Variants in COG6 observed in about 807,000 individuals in gnomAD.
The protein encoded by COG6 is conserved oligomeric Golgi complex subunit 6.
In COG6, 74 loss-of-function variants were observed where a neutral mutation model predicts 88.8. That is an observed-to-expected ratio of 0.83 (90% CI 0.69 to 1.01). COG6 has a LOEUF of 1.01. Among genes scored for constraint, COG6 ranks in the 50% least tolerant of loss-of-function variants. The probability of loss-of-function intolerance (pLI) is 0.00; values close to 1 mark genes in which losing one functional copy is unlikely to be tolerated. For synonymous variants in COG6, 286 were observed against 278.7 expected (o/e 1.03, Z -0.26); for missense variants, 800 against 797.9 (o/e 1.00, Z -0.03).
rs1874852664 is a variant in COG6 at position 39,660,852 on chromosome 13, T to C, written c.340T>C (p.Cys114Arg). Residue 114 changes from cysteine to arginine, a missense_variant, in exon 3 of 19, where the codon TGT becomes CGT. Transcript: ENST00000455146. ...CGAAGATGTTCAAGCAATGAGCAAC[T>C]GTTGTCAAGATATGACAAGTCGCCT... is the stretch of plus-strand genomic sequence containing the variant. ...ISEDVQAMSN[C>R]CQDMTSRLQA... 3 of 1,610,658 alleles carry C rather than the reference T, an allele frequency of 1.9e-6. No homozygotes were observed. Among genetic ancestry groups the C allele is most frequent in the Non-Finnish European group, 2.5e-6 (3 of 1,177,442 alleles).
At chr13:39,754,068 T>G (rs182815289), downstream of COG6, among the ~76,000 whole-genome samples, 10 of 152,306 alleles carry the variant, frequency 6.6e-5, no homozygotes, top group East Asian at 1.9e-3. Context: ...TTTGAAATTC[T>G]ATCCTTTCCA....
At position 39,682,269 on chromosome 13, in the gene COG6, G is replaced by A. The variant is rs915042964; in HGVS notation, c.788+5G>A. On this transcript the variant is annotated splice_donor_5th_base_variant and intron_variant, in intron 8 of 18. Coordinates refer to ENST00000455146, the MANE Select transcript of COG6 (RefSeq NM_020751.3). ...GGACAGACCTGTCTTATATAAGTTG[G>A]TGACTTTTTCTTAATTAAAAATGAA... 1.3e-6 allele frequency: 2 copies of A among 1,585,792 alleles called. No individual in the cohort carries two copies. The highest frequency in any genetic ancestry group is 1.7e-6 in the Non-Finnish European group (2 of 1,155,410).
intron 4 of COG6, among the ~76,000 whole-genome samples, chr13:39,671,228 T>C (rs942173036): frequency 2.0e-5 from 3 of 151,920 alleles, no homozygotes; most frequent in African/African-American, 7.2e-5. Flanking sequence ...GTAAGGGAAA[T>C]AGTATGAGGA....
At chr13:39,763,040 T>C (rs1007015345) in intron 18 of COG6, among the ~76,000 whole-genome samples, 10 of 151,678 alleles carry the variant, frequency 6.6e-5, no homozygotes, top group African/African-American at 1.7e-4. Context: ...ATTGAGATGA[T>C]CACTTGGCTT....
At chr13:39,671,913 A>G (rs917499009) in intron 4 of COG6, among the ~76,000 whole-genome samples, 9 of 151,954 alleles carry the variant, frequency 5.9e-5, no homozygotes, top group East Asian at 1.9e-4. Flanking sequence ...TTTCTGCCCT[A>G]TGATTTCTCA....
intron 5 of COG6, chr13:39,678,034 A>G (rs1876078265): frequency 2.2e-6 from 1 of 447,026 alleles, no homozygotes; most frequent in African/African-American, 2.0e-5. Context: ...TCTCCTTCAT[A>G]CATCATAGTA....
intron 18 of COG6, among the ~76,000 whole-genome samples, chr13:39,737,733 A>C (rs961073529): frequency 1.3e-5 from 2 of 152,020 alleles, no homozygotes; most frequent in African/African-American, 2.4e-5. Flanking sequence ...TTGCCCAGGA[A>C]TTAGAGCCCT....
In COG6 at chr13:39,778,522, A is replaced by T. The variant is rs74044169; in HGVS notation, c.1827-9813A>T. Among the ~76,000 whole-genome samples, 425 of 152,350 alleles carry T rather than the reference A, an allele frequency of 2.8e-3. 2 individuals are homozygous for T. The highest frequency in any genetic ancestry group is 9.2e-3 in the African/African-American group (384 of 41,578). Reference sequence around the variant, plus strand: ...ATAATCTCCTTAGTATCAGGAGAGGATATAGCAGTAACGTGTAGATTCTGC... The same window carrying T: ...ATAATCTCCTTAGTATCAGGAGAGGTTATAGCAGTAACGTGTAGATTCTGC... On this transcript the variant is annotated intron_variant, in intron 18 of 18. Coordinates refer to the COG6 transcript ENST00000416691.
chr13:39,680,618 T>G (rs1876253942), intron 7 of COG6, among the ~76,000 whole-genome samples: 3 of 152,184 alleles, frequency 2.0e-5, no homozygotes, highest in South Asian at 2.1e-4. Flanking sequence ...CCTTGCTCAT[T>G]CAGTTAGTTG....
chr13:39,655,690 G>A lies in COG6; in HGVS notation c.-37G>A, dbSNP rs1264973018. ...CGCGCTGCCTCCGTGGTCCCTGCCT[G>A]GCTGAGGTGGCAGCAGGGGGCGGGA... On this transcript the variant is annotated 5_prime_UTR_variant, in exon 1 of 19. Transcript: ENST00000455146. 4 of 1,553,874 alleles carry A rather than the reference G, an allele frequency of 2.6e-6. No homozygotes were observed. In the East Asian group the frequency reaches 9.7e-5, roughly 38 times the overall value.
At chr13:39,741,040 G>C (rs1593465585) in intron 18 of COG6, among the ~76,000 whole-genome samples, 1 of 152,126 alleles carries the variant, frequency 6.6e-6, no homozygotes, top group East Asian at 1.9e-4. Flanking sequence ...AAATCCTAAA[G>C]TACAGATTAA....
In COG6 at chr13:39,664,369, ACTTCT is replaced by A. The variant is rs567605471; in HGVS notation, c.370-721_370-717del. ...TTGTTTCTCTACGTGCCTCATGACT[ACTTCT>A]CTTCTTATTGTTTATTGCCTTATTT... On this transcript the variant is annotated intron_variant, in intron 3 of 18. Coordinates refer to ENST00000455146, the MANE Select transcript of COG6 (RefSeq NM_020751.3). Among the ~76,000 whole-genome samples the A allele has an allele frequency of 3.3e-5, 5 of 152,284 alleles. No homozygotes were observed. The East Asian group carries it at 7.7e-4, about 24-fold the overall frequency.
chr13:39,693,528 A>G (rs1348722368), intron 11 of COG6, among the ~76,000 whole-genome samples: 1 of 152,026 alleles, frequency 6.6e-6, no homozygotes, highest in Non-Finnish European at 1.5e-5. Context: ...GTAATGTATA[A>G]TTTAAGTCAC....
At chr13:39,708,691 C>G (rs553232099) in intron 13 of COG6, among the ~76,000 whole-genome samples, 3 of 152,082 alleles carry the variant, frequency 2.0e-5, no homozygotes, top group Non-Finnish European at 4.4e-5. Context: ...ATAACAATAC[C>G]TAATACCATG....
intron 4 of COG6, 82 bp downstream of exon 4, chr13:39,665,236 A>G: frequency 1.3e-6 from 1 of 768,360 alleles, no homozygotes; most frequent in Non-Finnish European, 2.3e-6. Flanking sequence ...CCAAATCAGA[A>G]TTAAAGCAGA....
chr13:39,704,443 A>T (rs563387256), intron 13 of COG6, among the ~76,000 whole-genome samples: 2 of 152,198 alleles, frequency 1.3e-5, no homozygotes, highest in Non-Finnish European at 2.9e-5. Flanking sequence ...AAATGTTATT[A>T]AGAAAATCAT....
At chr13:39,663,648 C>G (rs1002407574) in intron 3 of COG6, among the ~76,000 whole-genome samples, 6 of 152,098 alleles carry the variant, frequency 3.9e-5, no homozygotes, top group Non-Finnish European at 7.4e-5. Context: ...CCTGTAATCT[C>G]AGCATTTTGG....
In COG6 at chr13:39,764,969, G is replaced by A. The variant is rs149694274; in HGVS notation, c.1827-23366G>A. ...AGATACTTGTTAAATAACTATGATT[G>A]TGGATTTTTCTGTATTTTTAGTTTT... On this transcript the variant is annotated intron_variant, in intron 18 of 18. Coordinates refer to the COG6 transcript ENST00000416691. Among the ~76,000 whole-genome samples the A allele has an allele frequency of 1.6e-3, 241 of 152,182 alleles. 1 individual carries two copies. The highest frequency in any genetic ancestry group is 6.8e-3 in the Middle Eastern group (2 of 294).
intron 18 of COG6, among the ~76,000 whole-genome samples, chr13:39,772,868 A>C (rs1881358918): frequency 6.6e-6 from 1 of 152,232 alleles, no homozygotes; most frequent in Admixed American, 6.5e-5. Context: ...GTTGCAAAGC[A>C]GTTGCTAGCT....
Sources: allele counts gnomAD v4.1 joint callset (sites outside exome capture counted in the v4.1 genomes callset), GRCh38; gene constraint gnomAD v4.1.1; transcripts MANE v1.5; gene names NCBI Gene and HGNC (gene_info 2026-07-23, HGNC 2026-07-21).